DSCAM: variants seen among roughly 807,000 people sequenced by gnomAD.
DSCAM encodes the protein DS cell adhesion molecule, also known as cell adhesion molecule DSCAM.
A neutral mutation model predicts 217.7 loss-of-function variants in DSCAM; 47 were observed. The observed-to-expected ratio is 0.22, with a 90% confidence interval of 0.17 to 0.28. The LOEUF is 0.28. Ranked by LOEUF, DSCAM falls within the 10% of genes least tolerant of loss-of-function variation. DSCAM has a pLI of 1.00. For missense variants in DSCAM, 2,080 were observed against 2,618.3 expected (o/e 0.79, Z 4.49); for synonymous variants, 1,056 against 1,015.3 (o/e 1.04, Z -0.76).
chr21:40,148,529 G>GT lies in DSCAM; in HGVS notation c.3019-3799dup, dbSNP rs748758885. On this transcript the variant is annotated intron_variant, in intron 16 of 32. Transcript: ENST00000400454. ...ATGCTAACTGTATCTCAATAAAGCTGTTTTTTACAAAGGTAGTGTGCTAAC... is the reference window on the plus strand; with the variant it reads ...ATGCTAACTGTATCTCAATAAAGCTGTTTTTTTACAAAGGTAGTGTGCTAAC... Among the ~76,000 whole-genome samples, 76 of 152,176 alleles carry GT rather than the reference G, an allele frequency of 5.0e-4. 1 individual carries two copies. The highest frequency in any genetic ancestry group is 1.7e-3 in the South Asian group (8 of 4,810).
intron 3 of DSCAM, among the ~76,000 whole-genome samples, chr21:40,681,823 A>T (rs1189404792): frequency 6.6e-6 from 1 of 152,130 alleles, no homozygotes; most frequent in Non-Finnish European, 1.5e-5. Flanking sequence ...CAAAAGTCAC[A>T]TGTCGCTAGA....
chr21:40,311,942 T>C (rs2074142562), intron 9 of DSCAM, 139 bp downstream of exon 9: 1 of 351,914 alleles, frequency 2.8e-6, no homozygotes, highest in African/African-American at 2.2e-5. Flanking sequence ...TATTTTTTTT[T>C]TTTTTTTTTT....
At chr21:40,112,672 A>G (rs921182992) in intron 20 of DSCAM, among the ~76,000 whole-genome samples, 5 of 152,182 alleles carry the variant, frequency 3.3e-5, no homozygotes, top group African/African-American at 1.2e-4. Flanking sequence ...ACCGCTAGCA[A>G]GACTAATAAA....
In DSCAM at chr21:40,436,405, C is replaced by T. The variant is rs566541120; in HGVS notation, c.509-67160G>A. Among the ~76,000 whole-genome samples the T allele has an allele frequency of 3.3e-5, 5 of 152,330 alleles. 1 individual carries two copies. In the South Asian group the frequency reaches 1.0e-3, roughly 32 times the overall value. On this transcript the variant is annotated intron_variant, in intron 3 of 32. Coordinates refer to ENST00000400454, the MANE Select transcript of DSCAM (RefSeq NM_001389.5). ...CCTCTGGGGGAAGAACCTAGAACTT[C>T]TCAAAACAAGGCTGAGCTGAATTCT...
intron 3 of DSCAM, among the ~76,000 whole-genome samples, chr21:40,432,708 G>A (rs548126920): frequency 6.6e-6 from 1 of 152,186 alleles, no homozygotes; most frequent in African/African-American, 2.4e-5. Flanking sequence ...AATAGATATA[G>A]TAAAGGAAAA....
chr21:40,719,133 C>T (rs959609756), intron 1 of DSCAM, among the ~76,000 whole-genome samples: 3 of 152,152 alleles, frequency 2.0e-5, no homozygotes, highest in African/African-American at 7.2e-5. Flanking sequence ...GAAAAACACA[C>T]ACACACACAC....
At chr21:40,214,023 T>C (rs572600161) in intron 11 of DSCAM, among the ~76,000 whole-genome samples, 1 of 152,322 alleles carries the variant, frequency 6.6e-6, no homozygotes, top group Admixed American at 6.5e-5. Context: ...ATTGCCCCCA[T>C]AGAGCTTCCT....
At chr21:40,385,908 TAGG>T (rs2075080360) in intron 3 of DSCAM, among the ~76,000 whole-genome samples, 1 of 152,346 alleles carries the variant, frequency 6.6e-6, no homozygotes, top group East Asian at 1.9e-4. Flanking sequence ...GATTCACAGC[TAGG>T]AATACAAGGT....
chr21:40,711,407 TATAATA>T (rs1366108964), intron 1 of DSCAM, among the ~76,000 whole-genome samples: 2 of 152,212 alleles, frequency 1.3e-5, no homozygotes, highest in African/African-American at 4.8e-5. Flanking sequence ...GGACTCATCT[TATAATA>T]ATAAGATTTA....
chr21:40,176,075 C>G (rs1302460365), intron 15 of DSCAM, among the ~76,000 whole-genome samples: 5 of 151,980 alleles, frequency 3.3e-5, no homozygotes, highest in Non-Finnish European at 7.4e-5. Context: ...AGCAAAATCC[C>G]TCCTCTGTCC....
At chr21:40,147,561 G>A (rs1322805456) in intron 16 of DSCAM, among the ~76,000 whole-genome samples, 5 of 152,128 alleles carry the variant, frequency 3.3e-5, no homozygotes, top group Non-Finnish European at 7.4e-5. Flanking sequence ...TGATACTTCT[G>A]CAAAATATTG....
At chr21:40,525,451 C>G (rs1279503511) in intron 3 of DSCAM, among the ~76,000 whole-genome samples, 1 of 152,122 alleles carries the variant, frequency 6.6e-6, no homozygotes, top group Non-Finnish European at 1.5e-5. Context: ...GGGGGTTCAT[C>G]ATACAAAGTG....
At chr21:40,030,012 G>A (rs1323297055) in intron 32 of DSCAM, among the ~76,000 whole-genome samples, 1 of 151,618 alleles carries the variant, frequency 6.6e-6, no homozygotes, top group Non-Finnish European at 1.5e-5. Context: ...GCACACACAT[G>A]CGTGCACACA....
intron 2 of DSCAM, among the ~76,000 whole-genome samples, chr21:40,702,762 G>T (rs2090671177): frequency 6.6e-6 from 1 of 151,808 alleles, no homozygotes; most frequent in South Asian, 2.1e-4. Context: ...TCCTTTGTGG[G>T]CTTATTAGCT....
chr21:40,393,675 C>CAT (rs2075153800), intron 3 of DSCAM, among the ~76,000 whole-genome samples: 1 of 152,084 alleles, frequency 6.6e-6, no homozygotes, highest in Non-Finnish European at 1.5e-5. Flanking sequence ...AACATGTTTG[C>CAT]ATATATCCGT....
intron 1 of DSCAM, among the ~76,000 whole-genome samples, chr21:40,793,756 G>T (rs2091667482): frequency 6.6e-6 from 1 of 152,160 alleles, no homozygotes; most frequent in Non-Finnish European, 1.5e-5. Flanking sequence ...CTCCCAAAGT[G>T]CTGGGATTAC....
chr21:40,459,810 C>T (rs1014003848), intron 3 of DSCAM, among the ~76,000 whole-genome samples: 4 of 144,610 alleles, frequency 2.8e-5, no homozygotes, highest in Admixed American at 2.1e-4. Flanking sequence ...GAAAACCTGC[C>T]CCCCACCCAA....
rs541137827 is a variant in DSCAM, at chr21:40,039,539, T to G, written c.5686+2832A>C. ...CACAGTCTGGCCATATATGTGTATA[T>G]TATAAACACACACAGGAGATATATA... On this transcript the variant is annotated intron_variant, in intron 32 of 32. Coordinates refer to ENST00000400454, the MANE Select transcript of DSCAM (RefSeq NM_001389.5). Among the ~76,000 whole-genome samples the G allele has an allele frequency of 4.6e-5, 7 of 152,290 alleles. No individual in the cohort carries two copies. The South Asian group carries it at 1.5e-3, about 32-fold the overall frequency.
At position 40,216,180 on chromosome 21, in the gene DSCAM, A is replaced by G. The variant is rs140623492; in HGVS notation, c.2357-26942T>C. 7.8e-3 allele frequency among the ~76,000 whole-genome samples: 1,186 copies of G among 152,110 alleles called. 13 individuals are homozygous for G. The highest frequency in any genetic ancestry group is 0.027 in the Middle Eastern group (8 of 294). On this transcript the variant is annotated intron_variant, in intron 11 of 32. Transcript: ENST00000400454. ...GTGTGCAAGATCATAGCTCACTGCA[A>G]CCTCAAACTCCTGGGCTCAAGTGAT...
Sources: allele counts gnomAD v4.1 joint callset (sites outside exome capture counted in the v4.1 genomes callset), GRCh38; gene constraint gnomAD v4.1.1; transcripts MANE v1.5; gene names NCBI Gene and HGNC (gene_info 2026-07-23, HGNC 2026-07-21).